The following RAB8B variants were observed in gnomAD, a reference collection of about 807,000 sequenced individuals.
The protein encoded by RAB8B is ras-related protein Rab-8B.
RAB8B carries 11 observed loss-of-function variants against 32.0 expected under a neutral mutation model. The observed-to-expected ratio is 0.34, with a 90% confidence interval of 0.22 to 0.57. The LOEUF (loss-of-function observed/expected upper bound fraction) is 0.57, where lower values mean the gene tolerates loss of function less well. Ranked by LOEUF, RAB8B falls within the 20% of genes least tolerant of loss-of-function variation. The pLI, the probability that RAB8B is intolerant of heterozygous loss-of-function variation, is 0.86. For synonymous variants in RAB8B, 103 were observed against 89.6 expected, an observed-to-expected ratio of 1.15 and a Z score of -0.85; for missense variants, 190 against 258.5, an observed-to-expected ratio of 0.73 and a Z score of 1.82.
chr15:63,206,263 A>G (rs1444927133), intron 1 of RAB8B, among the ~76,000 whole-genome samples: 1 of 152,016 alleles, frequency 6.6e-6, no homozygotes, highest in African/African-American at 2.4e-5. Context: ...TGCTAACTTC[A>G]TTTATGCCGC....
At chr15:63,197,511 C>T (rs546117452) in intron 1 of RAB8B, among the ~76,000 whole-genome samples, 2 of 151,054 alleles carry the variant, frequency 1.3e-5, no homozygotes, top group East Asian at 3.9e-4. Context: ...GTAGCTGGGA[C>T]CCCGGGTGCA....
intron 1 of RAB8B, among the ~76,000 whole-genome samples, chr15:63,242,441 G>A (rs1017503574): frequency 6.6e-6 from 1 of 152,084 alleles, no homozygotes; most frequent in Admixed American, 6.5e-5. Context: ...TTGGGAGGCC[G>A]AGGCGGGTGG....
At position 63,264,191 on chromosome 15, in the gene RAB8B, A is replaced by G. The variant is rs752400437; in HGVS notation, c.*572A>G. Reference sequence around the variant, plus strand: ...GCCCATCTTGTCATCAAAGGCCACAATTTCTTTATTTCTTCAGATTAAGAG... The same window carrying G: ...GCCCATCTTGTCATCAAAGGCCACAGTTTCTTTATTTCTTCAGATTAAGAG... On this transcript the variant is annotated 3_prime_UTR_variant, in exon 8 of 8. Transcript: ENST00000321437. 2.6e-5 allele frequency: 4 copies of G among 152,180 alleles called. No homozygotes were observed. The highest frequency in any genetic ancestry group is 4.4e-5 in the Non-Finnish European group (3 of 68,032). 9.4% of individuals were successfully genotyped at this position (152,180 alleles called of 1,614,324 possible). A position where few individuals can be genotyped will look rare whatever the true frequency, so the allele number is the denominator to read the frequency against.
intron 1 of RAB8B, among the ~76,000 whole-genome samples, chr15:63,235,206 C>T (rs566344962): frequency 3.9e-5 from 6 of 152,050 alleles, no homozygotes; most frequent in Admixed American, 6.6e-5. Context: ...CATCCTTGTT[C>T]GATATAAAGA....
intron 2 of RAB8B, 102 bp downstream of exon 2, chr15:63,244,918 C>T (rs908401482): frequency 1.0e-6 from 1 of 987,340 alleles, no homozygotes; most frequent in Non-Finnish European, 1.5e-6. Flanking sequence ...ATAGCTAAAA[C>T]ATCTTTTCTT....
chr15:63,190,534 G>C (rs1595730018), intron 1 of RAB8B, among the ~76,000 whole-genome samples: 1 of 152,144 alleles, frequency 6.6e-6, no homozygotes, highest in African/African-American at 2.4e-5. Flanking sequence ...GTAGTGGGGC[G>C]CAAGACTTGC....
intron 3 of RAB8B, among the ~76,000 whole-genome samples, chr15:63,253,557 CCGTAATCTCAGCAG>C (rs1167787916): frequency 6.6e-6 from 1 of 151,924 alleles, no homozygotes; most frequent in African/African-American, 2.4e-5. Flanking sequence ...TGGCTCATGC[CCGTAATCTCAGCAG>C]CTCGGGAGGC....
At chr15:63,224,672 A>G (rs2037874123) in intron 1 of RAB8B, among the ~76,000 whole-genome samples, 1 of 152,220 alleles carries the variant, frequency 6.6e-6, no homozygotes, top group Non-Finnish European at 1.5e-5. Flanking sequence ...GCATACTCAG[A>G]GGCTCAAAGA....
intron 7 of RAB8B, 67 bp downstream of exon 7, chr15:63,262,809 T>A (rs905457247): frequency 1.1e-5 from 8 of 745,576 alleles, no homozygotes; most frequent in African/African-American, 1.9e-5. Context: ...AAAGGATAGG[T>A]CTAATTATAA....
At chr15:63,216,099 A>G (rs2037788996) in intron 1 of RAB8B, among the ~76,000 whole-genome samples, 1 of 151,826 alleles carries the variant, frequency 6.6e-6, no homozygotes, top group Non-Finnish European at 1.5e-5. Flanking sequence ...TCTTAGCACC[A>G]TATGATGTGT....
chr15:63,199,411 G>A (rs1356564937), intron 1 of RAB8B, among the ~76,000 whole-genome samples: 3 of 152,234 alleles, frequency 2.0e-5, no homozygotes, highest in South Asian at 2.1e-4. Flanking sequence ...AGCCAGTAAT[G>A]AACACAGACC....
chr15:63,251,101 C>T (rs2038113668), intron 3 of RAB8B, among the ~76,000 whole-genome samples: 1 of 151,976 alleles, frequency 6.6e-6, no homozygotes, highest in African/African-American at 2.4e-5. Flanking sequence ...GTACCACTAA[C>T]CATTTTATGT....
chr15:63,254,764 T>A (rs1373041099), intron 3 of RAB8B, among the ~76,000 whole-genome samples: 1 of 151,998 alleles, frequency 6.6e-6, no homozygotes, highest in African/African-American at 2.4e-5. Flanking sequence ...TACAAAAAAT[T>A]AGCTGTGTGT....
intron 1 of RAB8B, among the ~76,000 whole-genome samples, chr15:63,229,777 T>TC: frequency 2.0e-5 from 1 of 49,072 alleles, no homozygotes; most frequent in African/African-American, 8.8e-5. Context: ...CAAGACGCTG[T>TC]TTCAAAAAAA....
In RAB8B at chr15:63,230,047, C is replaced by T. The variant is rs148386776; in HGVS notation, c.125-14709C>T. Among the ~76,000 whole-genome samples the T allele has an allele frequency of 4.6e-4, 69 of 148,930 alleles. 2 individuals are homozygous for T. The highest frequency in any genetic ancestry group is 1.5e-3 in the African/African-American group (63 of 41,266). ...GATTGGGAAAAATATGCCATTTGTG[C>T]CAAAATGTTGATTTTTTTTTTACTC... is the stretch of plus-strand genomic sequence containing the variant. On this transcript the variant is annotated intron_variant, in intron 1 of 7. Coordinates refer to ENST00000321437, the MANE Select transcript of RAB8B (RefSeq NM_016530.3).
At position 63,233,055 on chromosome 15, in the gene RAB8B, C is replaced by CTTTTTTTTTTT. The variant is rs752891283; in HGVS notation, c.125-11700_125-11690dup. 5.5e-3 allele frequency among the ~76,000 whole-genome samples: 773 copies of CTTTTTTTTTTT among 141,446 alleles called. 3 individuals carry two copies. The highest frequency in any genetic ancestry group is 8.0e-3 in the East Asian group (39 of 4,860). The allele number at this position is 141,446 out of a possible 152,430, so 92.8% of individuals were successfully genotyped here. ...CTTTTTTTTCAATCTAAGTAGCATTCTTTTTTTTTTTCTTTTTTGTTGAGA... is the reference window on the plus strand; with the variant it reads ...CTTTTTTTTCAATCTAAGTAGCATTCTTTTTTTTTTTTTTTTTTTTTTCTTTTTTGTTGAGA... On this transcript the variant is annotated intron_variant, in intron 1 of 7. Transcript: ENST00000321437.
In RAB8B at chr15:63,216,768, G is replaced by C. The variant is rs535959715; in HGVS notation, c.124+27020G>C. On this transcript the variant is annotated intron_variant, in intron 1 of 7. Transcript: ENST00000321437. ...CCAGCTCTTTGGGAGGCTGAGACAGGAGAATCGCTTGAACCTGGGAGGCAG... is the reference window on the plus strand; with the variant it reads ...CCAGCTCTTTGGGAGGCTGAGACAGCAGAATCGCTTGAACCTGGGAGGCAG... Among the ~76,000 whole-genome samples, 3 of 151,442 alleles carry C rather than the reference G, an allele frequency of 2.0e-5. No homozygotes were observed. In the South Asian group the frequency reaches 6.3e-4, roughly 32 times the overall value.
At chr15:63,220,976 C>T (rs1225464106) in intron 1 of RAB8B, among the ~76,000 whole-genome samples, 2 of 152,120 alleles carry the variant, frequency 1.3e-5, no homozygotes, top group African/African-American at 4.8e-5. Context: ...AATTAATTGC[C>T]ACATGCATAA....
chr15:63,197,698 C>A (rs8042686), intron 1 of RAB8B, among the ~76,000 whole-genome samples: 3 of 151,968 alleles, frequency 2.0e-5, no homozygotes, highest in Admixed American at 2.0e-4. Flanking sequence ...AGACCCATTT[C>A]AATATGTTGG....
Sources: allele counts gnomAD v4.1 joint callset (sites outside exome capture counted in the v4.1 genomes callset), GRCh38; gene constraint gnomAD v4.1.1; transcripts MANE v1.5; gene names NCBI Gene and HGNC (gene_info 2026-07-23, HGNC 2026-07-21).